The following PPP4R2 variants were observed in gnomAD, a reference collection of about 807,000 sequenced individuals.
PPP4R2 encodes the protein serine/threonine-protein phosphatase 4 regulatory subunit 2.
A neutral mutation model predicts 47.2 loss-of-function variants in PPP4R2; 13 were observed. The ratio of observed to expected loss-of-function variants is 0.28; its 90% confidence interval spans 0.18 to 0.44. The LOEUF (loss-of-function observed/expected upper bound fraction) is 0.44. Among genes scored for constraint, PPP4R2 ranks in the 20% least tolerant of loss-of-function variants. PPP4R2 has a pLI of 1.00. For missense variants in PPP4R2, 421 were observed against 491.2 expected (o/e 0.86, Z 1.35); for synonymous variants, 151 against 163.3 (o/e 0.92, Z 0.57).
At chr3:73,051,870 C>A (rs535526261) in intron 3 of PPP4R2, among the ~76,000 whole-genome samples, 1 of 152,304 alleles carries the variant, frequency 6.6e-6, no homozygotes, top group African/African-American at 2.4e-5. Context: ...TGTGACCCAC[C>A]CACCTCGGCC....
intron 2 of PPP4R2, among the ~76,000 whole-genome samples, chr3:73,026,112 T>G (rs1464805492): frequency 6.6e-6 from 1 of 152,242 alleles, no homozygotes; most frequent in Non-Finnish European, 1.5e-5. Context: ...ATTAAAATCT[T>G]TCTGCACCTT....
intron 3 of PPP4R2, among the ~76,000 whole-genome samples, chr3:73,055,102 T>G (rs1702702457): frequency 6.6e-6 from 1 of 152,182 alleles, no homozygotes; most frequent in Non-Finnish European, 1.5e-5. Context: ...GTTATTTTCC[T>G]TGGAATTAAA....
chr3:73,057,891 A>G (rs1559567398), intron 3 of PPP4R2, among the ~76,000 whole-genome samples: 1 of 152,164 alleles, frequency 6.6e-6, no homozygotes, highest in East Asian at 1.9e-4. Context: ...CTGCCTATAA[A>G]AAATGAAGAC....
chr3:73,062,376 G>T (rs543506676), intron 5 of PPP4R2: 9 of 1,606,392 alleles, frequency 5.6e-6, no homozygotes, highest in Non-Finnish European at 7.6e-6. Flanking sequence ...CAGCATTGGG[G>T]ATATTAAGGA....
chr3:73,032,129 A>C (rs1702176896), intron 2 of PPP4R2, among the ~76,000 whole-genome samples: 1 of 152,152 alleles, frequency 6.6e-6, no homozygotes. Context: ...CTTTTATTAA[A>C]GTTATATGCA....
At chr3:73,041,559 C>G (rs551739209) in intron 2 of PPP4R2, among the ~76,000 whole-genome samples, 1 of 152,304 alleles carries the variant, frequency 6.6e-6, no homozygotes, top group Non-Finnish European at 1.5e-5. Flanking sequence ...GAATGATCAT[C>G]TCCATTAGAT....
chr3:73,029,954 A>G (rs1225663201), intron 2 of PPP4R2, among the ~76,000 whole-genome samples: 1 of 152,202 alleles, frequency 6.6e-6, no homozygotes, highest in Non-Finnish European at 1.5e-5. Flanking sequence ...ATCTTGATAA[A>G]TGCAGATTAG....
chr3:73,050,860 C>G (rs949147751), intron 3 of PPP4R2, among the ~76,000 whole-genome samples: 2 of 152,148 alleles, frequency 1.3e-5, no homozygotes, highest in African/African-American at 2.4e-5. Flanking sequence ...CATCCTTCCA[C>G]GTATCTTTTG....
intron 1 of PPP4R2, 64 bp downstream of exon 1, chr3:72,997,135 A>G (rs1701363353): frequency 2.6e-5 from 32 of 1,245,660 alleles, no homozygotes; most frequent in Non-Finnish European, 3.2e-5. Flanking sequence ...CTCTCCTTTC[A>G]GGGCGGATGG....
Position 73,065,500 on chromosome 3 carries a change from T to C in PPP4R2, c.1032T>C (p.Asn344=). The C allele has an allele frequency of 6.2e-7, 1 of 1,611,834 alleles. No homozygotes were observed. Among genetic ancestry groups the C allele is most frequent in the Non-Finnish European group, 8.5e-7 (1 of 1,179,714 alleles). The change falls in exon 9 of 9, where the codon AAT becomes AAC. Residue 344 remains asparagine, a synonymous_variant. Transcript: ENST00000356692. ...ATGAAGAGACTTCTGAGGAAAATAATCAAATGGAGGAATCTGATGTGTCTC... is the reference window on the plus strand; with the variant it reads ...ATGAAGAGACTTCTGAGGAAAATAACCAAATGGAGGAATCTGATGTGTCTC... ...TVNEETSEEN[N]QMEESDVSQA...
At chr3:73,047,867 G>T (rs544798152) in intron 3 of PPP4R2, among the ~76,000 whole-genome samples, 8 of 152,064 alleles carry the variant, frequency 5.3e-5, no homozygotes, top group East Asian at 1.9e-4. Context: ...AAACTCCCCG[G>T]TTTTTTTGTT....
intron 2 of PPP4R2, among the ~76,000 whole-genome samples, chr3:73,007,054 CTG>C (rs1404493932): frequency 6.6e-6 from 1 of 152,190 alleles, no homozygotes; most frequent in Non-Finnish European, 1.5e-5. Context: ...AGATGAAAAA[CTG>C]TAGCACCACT....
intron 3 of PPP4R2, among the ~76,000 whole-genome samples, chr3:73,050,603 T>C (rs1327982880): frequency 6.6e-6 from 1 of 152,210 alleles, no homozygotes; most frequent in Non-Finnish European, 1.5e-5. Context: ...GTTCACGCTT[T>C]TAAAAAGATC....
intron 2 of PPP4R2, among the ~76,000 whole-genome samples, chr3:73,043,643 G>T (rs573604444): frequency 5.3e-5 from 8 of 152,330 alleles, no homozygotes; most frequent in African/African-American, 1.9e-4. Flanking sequence ...CCTAGTGGGT[G>T]TGAAATGGGT....
chr3:73,002,424 T>C (rs912375534), intron 2 of PPP4R2, among the ~76,000 whole-genome samples: 1 of 151,906 alleles, frequency 6.6e-6, no homozygotes, highest in Non-Finnish European at 1.5e-5. Flanking sequence ...GCCTGGCTAA[T>C]TTATAATTTT....
chr3:73,003,029 T>C (rs575501938), intron 2 of PPP4R2, among the ~76,000 whole-genome samples: 1 of 152,222 alleles, frequency 6.6e-6, no homozygotes, highest in Admixed American at 6.5e-5. Flanking sequence ...TGTCTTGTAA[T>C]TACTGATTGT....
chr3:73,048,561 T>C (rs1343576914), intron 3 of PPP4R2, among the ~76,000 whole-genome samples: 1 of 152,206 alleles, frequency 6.6e-6, no homozygotes, highest in Admixed American at 6.5e-5. Flanking sequence ...GCCAGGACTT[T>C]GTATTTTTAC....
intron 1 of PPP4R2, 96 bp downstream of exon 1, chr3:72,997,167 G>A (rs1157775106): frequency 2.9e-6 from 3 of 1,035,760 alleles, no homozygotes; most frequent in East Asian, 6.5e-5. Context: ...GGGGCCGGGC[G>A]CGGCGTGGGG....
At chr3:73,009,311 A>G (rs919420941) in intron 2 of PPP4R2, among the ~76,000 whole-genome samples, 59 of 152,188 alleles carry the variant, frequency 3.9e-4, no homozygotes, top group African/African-American at 1.4e-3. Flanking sequence ...TGAGATGTTA[A>G]CTGTTCGGGA....
Sources: allele counts gnomAD v4.1 joint callset (sites outside exome capture counted in the v4.1 genomes callset), GRCh38; gene constraint gnomAD v4.1.1; transcripts MANE v1.5; gene names NCBI Gene and HGNC (gene_info 2026-07-23, HGNC 2026-07-21).